DSCAM: variants seen among roughly 807,000 people sequenced by gnomAD.
DSCAM encodes cell adhesion molecule DSCAM.
A neutral mutation model predicts 217.7 loss-of-function variants in DSCAM; 47 were observed. The observed-to-expected ratio is 0.22, with a 90% CI of 0.17 to 0.28. The LOEUF (loss-of-function observed/expected upper bound fraction) is 0.28, where lower values mean the gene tolerates loss of function less well. Ranked by LOEUF, DSCAM falls within the 10% of genes least tolerant of loss-of-function variation. The probability of loss-of-function intolerance (pLI) is 1.00; values close to 1 mark genes in which losing one functional copy is unlikely to be tolerated. For synonymous variants in DSCAM, 1,056 were observed against 1,015.3 expected (o/e 1.04, Z -0.76); for missense variants, 2,080 against 2,618.3 (o/e 0.79, Z 4.49).
intron 11 of DSCAM, among the ~76,000 whole-genome samples, chr21:40,250,341 T>C (rs913418339): frequency 1.3e-5 from 2 of 152,186 alleles, no homozygotes; most frequent in African/African-American, 2.4e-5. Flanking sequence ...TAAAGGGAGA[T>C]GAAGGCTACT....
intron 3 of DSCAM, among the ~76,000 whole-genome samples, chr21:40,406,321 T>C (rs1021422397): frequency 2.6e-4 from 39 of 152,314 alleles, no homozygotes; most frequent in African/African-American, 9.1e-4. Flanking sequence ...AAGGAAATGA[T>C]ATCAATATTT....
chr21:40,487,545 A>T (rs973879169), intron 3 of DSCAM, among the ~76,000 whole-genome samples: 10 of 152,162 alleles, frequency 6.6e-5, no homozygotes, highest in Non-Finnish European at 1.0e-4. Flanking sequence ...TGCTGAGAGT[A>T]ATCAGAGCTA....
At chr21:40,686,312 CA>C (rs1425213553) in intron 3 of DSCAM, among the ~76,000 whole-genome samples, 5 of 151,082 alleles carry the variant, frequency 3.3e-5, no homozygotes, top group African/African-American at 4.9e-5. Flanking sequence ...ACGGCACACA[CA>C]CACACCACAT....
chr21:40,496,724 T>G (rs575312423), intron 3 of DSCAM, among the ~76,000 whole-genome samples: 1 of 152,136 alleles, frequency 6.6e-6, no homozygotes, highest in East Asian at 1.9e-4. Flanking sequence ...TAAGAGAATA[T>G]ATTTTCAAGC....
intron 6 of DSCAM, among the ~76,000 whole-genome samples, chr21:40,344,281 T>G (rs1175021366): frequency 6.6e-6 from 1 of 152,240 alleles, no homozygotes; most frequent in African/African-American, 2.4e-5. Context: ...AAATATTTAC[T>G]AATATATTTA....
chr21:40,465,029 G>C (rs968352845), intron 3 of DSCAM, among the ~76,000 whole-genome samples: 1 of 151,932 alleles, frequency 6.6e-6, no homozygotes, highest in Non-Finnish European at 1.5e-5. Flanking sequence ...GTGAGCCACC[G>C]CATCTGGCCC....
At chr21:40,421,453 T>G (rs749183931) in intron 3 of DSCAM, among the ~76,000 whole-genome samples, 2 of 152,234 alleles carry the variant, frequency 1.3e-5, no homozygotes, top group Non-Finnish European at 2.9e-5. Flanking sequence ...CTTCTTAGCA[T>G]GCTCCTTTTT....
chr21:40,021,884 A>G (rs2989341), intron 32 of DSCAM, among the ~76,000 whole-genome samples: 87,223 of 152,004 alleles, frequency 0.57, 25,688 homozygotes, highest in Middle Eastern at 0.68. Flanking sequence ...GTGCATTAGA[A>G]CCATGGTTGG....
At chr21:40,062,481 C>T (rs1252402674) in intron 28 of DSCAM, among the ~76,000 whole-genome samples, 1 of 152,198 alleles carries the variant, frequency 6.6e-6, no homozygotes, top group Non-Finnish European at 1.5e-5. Flanking sequence ...GGGCATAGCA[C>T]ATTCCTTTTG....
In DSCAM at chr21:40,020,514, G is replaced by GGT. The variant is rs368437369; in HGVS notation, c.5687-7130_5687-7129dup. On this transcript the variant is annotated intron_variant, in intron 32 of 32. Transcript: ENST00000400454. ...AGGGCATACACATCAAGAAAAGTGTGGTGTGTGTGTGTGTGTGAGAGAGAG... is the reference window on the plus strand; with the variant it reads ...AGGGCATACACATCAAGAAAAGTGTGGTGTGTGTGTGTGTGTGTGAGAGAGAG... 7.2e-3 allele frequency among the ~76,000 whole-genome samples: 1,085 copies of GGT among 150,092 alleles called. 2 individuals are homozygous for GGT. Among genetic ancestry groups the GGT allele is most frequent in the Non-Finnish European group, 0.011 (742 of 67,710 alleles).
chr21:40,559,171 A>AAAGATAGTAC (rs11283687), intron 3 of DSCAM, among the ~76,000 whole-genome samples: 67,440 of 151,680 alleles, frequency 0.44, 16,160 homozygotes, highest in Admixed American at 0.54. Context: ...TTCTCCAGTT[A>AAAGATAGTAC]AAGTAGGCCG....
At chr21:40,133,707 G>C (rs946178100) in intron 19 of DSCAM, 147 bp downstream of exon 19, 1 of 812,020 alleles carries the variant, frequency 1.2e-6, no homozygotes, top group East Asian at 2.9e-5. Flanking sequence ...GGAAGTTAAT[G>C]GTCTGAATTG....
chr21:40,480,200 G>C (rs541941562), intron 3 of DSCAM, among the ~76,000 whole-genome samples: 1 of 152,170 alleles, frequency 6.6e-6, no homozygotes, highest in Non-Finnish European at 1.5e-5. Context: ...AGTTCCTTGT[G>C]CCCTGACTTA....
At chr21:40,242,149 GTT>G (rs376344223) in intron 11 of DSCAM, among the ~76,000 whole-genome samples, 15 of 143,848 alleles carry the variant, frequency 1.0e-4, no homozygotes, top group Admixed American at 5.6e-4. Flanking sequence ...GAACCTAAAA[GTT>G]TTTTTTTTTT....
intron 3 of DSCAM, among the ~76,000 whole-genome samples, chr21:40,662,298 A>G (rs1169688436): frequency 6.6e-6 from 1 of 152,120 alleles, no homozygotes; most frequent in Non-Finnish European, 1.5e-5. Flanking sequence ...CCTTTTTTTA[A>G]TCCTCTATCA....
At position 40,087,023 on chromosome 21, in the gene DSCAM, C is replaced by T. The variant is rs1247884018; in HGVS notation, c.3968+147G>A. ...TGCTAAAGCTGAGATTCCTTCTCTG[C>T]CCTCATCTCAGAAGAATTGGTAGGT... On this transcript the variant is annotated intron_variant, in intron 22 of 32. Transcript: ENST00000400454. 2.5e-5 allele frequency: 16 copies of T among 642,630 alleles called. No homozygotes were observed. The East Asian group carries it at 4.2e-4, about 17-fold the overall frequency. 39.8% of individuals were successfully genotyped at this position (642,630 alleles called of 1,614,324 possible). A position where few individuals can be genotyped will look rare whatever the true frequency, so the allele number is the denominator to read the frequency against.
intron 15 of DSCAM, among the ~76,000 whole-genome samples, chr21:40,167,921 G>C (rs1438483735): frequency 6.6e-6 from 1 of 152,078 alleles, no homozygotes; most frequent in African/African-American, 2.4e-5. Flanking sequence ...AAAATTAGCT[G>C]GGTGTGGTGG....
intron 3 of DSCAM, among the ~76,000 whole-genome samples, chr21:40,409,235 A>T (rs527438628): frequency 1.3e-5 from 2 of 152,230 alleles, no homozygotes; most frequent in African/African-American, 4.8e-5. Context: ...TTTAAATGTT[A>T]CATTACACTA....
At chr21:40,646,973 C>T (rs2089955512) in intron 3 of DSCAM, among the ~76,000 whole-genome samples, 1 of 152,196 alleles carries the variant, frequency 6.6e-6, no homozygotes, top group Non-Finnish European at 1.5e-5. Flanking sequence ...ACTTTCTTGC[C>T]AAGAATTTAT....
Sources: allele counts gnomAD v4.1 joint callset (sites outside exome capture counted in the v4.1 genomes callset), GRCh38; gene constraint gnomAD v4.1.1; transcripts MANE v1.5; gene names NCBI Gene and HGNC (gene_info 2026-07-23, HGNC 2026-07-21).